Variants in GUCY2C observed in about 807,000 individuals in gnomAD.
GUCY2C encodes the protein guanylyl cyclase C.
In GUCY2C, 118 loss-of-function variants were observed where a neutral mutation model predicts 131.1. The observed-to-expected ratio is 0.90, with a 90% confidence interval of 0.78 to 1.05. The LOEUF (loss-of-function observed/expected upper bound fraction) is 1.05, where lower values mean the gene tolerates loss of function less well. Among genes scored for constraint, GUCY2C ranks in the 50% least tolerant of loss-of-function variants. The pLI, the probability that GUCY2C is intolerant of heterozygous loss-of-function variation, is 0.00. For missense variants in GUCY2C, 1,161 were observed against 1,304.4 expected, an observed-to-expected ratio of 0.89 and a Z score of 1.69; for synonymous variants, 452 against 457.8, an observed-to-expected ratio of 0.99 and a Z score of 0.16.
intron 1 of GUCY2C, among the ~76,000 whole-genome samples, chr12:14,694,379 A>G (rs889240415): frequency 3.9e-5 from 6 of 152,222 alleles, no homozygotes; most frequent in Admixed American, 3.3e-4. Context: ...CTGTGAAACC[A>G]GTGTCAACCA....
At chr12:14,691,950 T>A (rs1352425579) in intron 1 of GUCY2C, among the ~76,000 whole-genome samples, 1 of 152,196 alleles carries the variant, frequency 6.6e-6, no homozygotes, top group East Asian at 1.9e-4. Flanking sequence ...GTCATCCTCA[T>A]TTAAACATGA....
In GUCY2C at chr12:14,663,162, T is replaced by C. The variant is rs530404516; in HGVS notation, c.1283-2100A>G. ...GAAATAGAAGCATATTATTTAGATA[T>C]GCAAAACAGTAAAAGCAGAAGTGAC... On this transcript the variant is annotated intron_variant, in intron 10 of 26. Transcript: ENST00000261170. 1.5e-3 allele frequency among the ~76,000 whole-genome samples: 229 copies of C among 152,354 alleles called. 2 individuals carry two copies. The highest frequency in any genetic ancestry group is 5.3e-3 in the African/African-American group (219 of 41,582).
intron 22 of GUCY2C, 103 bp downstream of exon 22, chr12:14,621,902 G>T: frequency 1.4e-6 from 1 of 729,250 alleles, no homozygotes; most frequent in Non-Finnish European, 2.2e-6. Context: ...CACTAAATGT[G>T]AAACTAGAGC....
intron 25 of GUCY2C, among the ~76,000 whole-genome samples, chr12:14,615,199 T>C (rs1235163701): frequency 1.3e-5 from 2 of 152,114 alleles, no homozygotes; most frequent in African/African-American, 2.4e-5. Context: ...TTCTTTTTTT[T>C]CCCCAAAAGA....
chr12:14,644,246 G>C (rs1034491593), intron 16 of GUCY2C, among the ~76,000 whole-genome samples: 1 of 152,180 alleles, frequency 6.6e-6, no homozygotes, highest in Non-Finnish European at 1.5e-5. Flanking sequence ...CACTTTGGGA[G>C]GCCGAGCTAC....
intron 1 of GUCY2C, among the ~76,000 whole-genome samples, chr12:14,690,993 G>T (rs1267154286): frequency 6.6e-6 from 1 of 152,186 alleles, no homozygotes; most frequent in East Asian, 1.9e-4. Flanking sequence ...TTAAAACCAA[G>T]TTTGTAAAAT....
intron 1 of GUCY2C, among the ~76,000 whole-genome samples, chr12:14,688,819 C>A (rs1279484341): frequency 6.6e-6 from 1 of 152,180 alleles, no homozygotes; most frequent in Non-Finnish European, 1.5e-5. Flanking sequence ...TCAGAGGGAA[C>A]AGCAAGGGCA....
chr12:14,657,013 C>T (rs979708717), intron 11 of GUCY2C, among the ~76,000 whole-genome samples: 2 of 152,232 alleles, frequency 1.3e-5, no homozygotes, highest in Admixed American at 1.3e-4. Flanking sequence ...CTATGACAAT[C>T]TAATGCCCTG....
chr12:14,689,531 G>A (rs1413289703), intron 1 of GUCY2C, among the ~76,000 whole-genome samples: 1 of 152,184 alleles, frequency 6.6e-6, no homozygotes, highest in South Asian at 2.1e-4. Flanking sequence ...TTGCTCAAAA[G>A]GGGTGTCTTG....
At chr12:14,671,893 A>G (rs1477819847) in intron 9 of GUCY2C, among the ~76,000 whole-genome samples, 2 of 152,232 alleles carry the variant, frequency 1.3e-5, no homozygotes, top group Admixed American at 6.5e-5. Context: ...TGAAGGTTCA[A>G]TATAGTATCT....
intron 11 of GUCY2C, among the ~76,000 whole-genome samples, chr12:14,659,113 T>C (rs1310403974): frequency 6.6e-6 from 1 of 151,982 alleles, no homozygotes; most frequent in African/African-American, 2.4e-5. Context: ...TGGTGCGATC[T>C]CTGCTCACTG....
chr12:14,672,858 A>G lies in GUCY2C; in HGVS notation c.1170+15T>C, dbSNP rs141094437. 4.7e-6 allele frequency: 7 copies of G among 1,474,996 alleles called. No individual in the cohort carries two copies. In the East Asian group the frequency reaches 1.6e-4, roughly 33 times the overall value. The allele number at this position is 1,474,996 out of a possible 1,614,324, so 91.4% of individuals were successfully genotyped here. On this transcript the variant is annotated intron_variant, in intron 9 of 26. Coordinates refer to ENST00000261170, the MANE Select transcript of GUCY2C (RefSeq NM_004963.4). ...TCACAGCACCCTGAATTTTCTGATA[A>G]GCAGTGAGACATACTTTCTTGGTGT...
rs1347306417 is a variant in GUCY2C, at chr12:14,675,225, A to AG, written c.949-466_949-465insC. Among the ~76,000 whole-genome samples, 271 of 144,126 alleles carry AG rather than the reference A, an allele frequency of 1.9e-3. 2 individuals are homozygous for AG. The highest frequency in any genetic ancestry group is 7.0e-3 in the African/African-American group (270 of 38,372). 94.6% of individuals were successfully genotyped at this position (144,126 alleles called of 152,430 possible). ...TCCATCTCAAAAAAAAAAAAAAAAA[A>AG]AAAAGAAAAAAAGAAAGAAAGAAAG... is the stretch of plus-strand genomic sequence containing the variant. On this transcript the variant is annotated intron_variant, in intron 7 of 26. Transcript: ENST00000261170.
intron 7 of GUCY2C, among the ~76,000 whole-genome samples, chr12:14,675,207 CAAA>C (rs35870014): frequency 5.7e-5 from 2 of 34,786 alleles, no homozygotes; most frequent in East Asian, 8.9e-4. Flanking sequence ...AACTCCATCT[CAAA>C]AAAAAAAAAA....
At chr12:14,638,716 G>T (rs1293133344) in intron 19 of GUCY2C, among the ~76,000 whole-genome samples, 1 of 152,198 alleles carries the variant, frequency 6.6e-6, no homozygotes, top group Non-Finnish European at 1.5e-5. Context: ...TGTAGGTAGG[G>T]CAGGGGATGA....
At chr12:14,628,089 A>T (rs902383037) in intron 20 of GUCY2C, among the ~76,000 whole-genome samples, 1 of 152,210 alleles carries the variant, frequency 6.6e-6, no homozygotes, top group Admixed American at 6.5e-5. Flanking sequence ...TGGATTTCCT[A>T]ACTCTTAATT....
chr12:14,636,427 C>T (rs1292969268), intron 19 of GUCY2C, among the ~76,000 whole-genome samples: 1 of 152,084 alleles, frequency 6.6e-6, no homozygotes, highest in Non-Finnish European at 1.5e-5. Flanking sequence ...TAAAAACTCT[C>T]AAAAAACTAG....
chr12:14,634,725 T>C (rs1947225035), intron 19 of GUCY2C, among the ~76,000 whole-genome samples: 1 of 152,210 alleles, frequency 6.6e-6, no homozygotes, highest in Admixed American at 6.5e-5. Context: ...AAACTCATCT[T>C]ATCTGTAAAG....
chr12:14,669,657 T>G (rs981200780), intron 10 of GUCY2C, 65 bp downstream of exon 10: 1 of 810,482 alleles, frequency 1.2e-6, no homozygotes, highest in African/African-American at 1.7e-5. Flanking sequence ...ACATAAACAA[T>G]AGACTTTACT....
Sources: gnomAD v4.1 joint callset for allele counts (sites outside exome capture counted in the v4.1 genomes callset) on GRCh38, gnomAD v4.1.1 for gene constraint, MANE v1.5 for transcripts, NCBI Gene and HGNC (gene_info 2026-07-23, HGNC 2026-07-21) for gene names.